Variants in SLC44A3 observed in about 807,000 individuals in gnomAD.
SLC44A3 encodes choline transporter-like protein 3.
In SLC44A3, 74 loss-of-function variants were observed where a neutral mutation model predicts 75.4. The ratio of observed to expected loss-of-function variants is 0.98; its 90% CI spans 0.81 to 1.19. The LOEUF (loss-of-function observed/expected upper bound fraction) is 1.19, where lower values mean the gene tolerates loss of function less well. SLC44A3 is among the 50% of genes most tolerant of loss of function. SLC44A3 has a pLI of 0.00. For missense variants in SLC44A3, 700 were observed against 778.6 expected (o/e 0.90, Z 1.20); for synonymous variants, 310 against 296.9 (o/e 1.04, Z -0.45).
chr1:94,853,191 G>T (rs183832493), intron 9 of SLC44A3, among the ~76,000 whole-genome samples: 1 of 152,342 alleles, frequency 6.6e-6, no homozygotes, highest in East Asian at 1.9e-4. Flanking sequence ...AGGAGAAGGG[G>T]TGGAGTGTGG....
intron 5 of SLC44A3, among the ~76,000 whole-genome samples, chr1:94,833,332 C>T (rs1472293358): frequency 6.6e-6 from 1 of 152,180 alleles, no homozygotes; most frequent in Non-Finnish European, 1.5e-5. Context: ...AGCTGCAGTG[C>T]CTTTCATGTA....
intron 12 of SLC44A3, among the ~76,000 whole-genome samples, chr1:94,882,893 A>G (rs1168667120): frequency 6.7e-6 from 1 of 149,008 alleles, no homozygotes; most frequent in Non-Finnish European, 1.5e-5. Flanking sequence ...GCATTTTTCT[A>G]GGTGATATCT....
chr1:94,827,817 A>G (rs1661572534), intron 4 of SLC44A3, among the ~76,000 whole-genome samples, 174 bp downstream of exon 4: 1 of 152,092 alleles, frequency 6.6e-6, no homozygotes, highest in Non-Finnish European at 1.5e-5. Context: ...GAGCTTGTTC[A>G]GGTTATTTTT....
At chr1:94,865,011 C>T (rs1431330893) in intron 11 of SLC44A3, 112 bp downstream of exon 11, 15 of 1,183,622 alleles carry the variant, frequency 1.3e-5, no homozygotes, top group Admixed American at 6.7e-5. Context: ...GACAGCGGGC[C>T]GTGCAGAAAG....
At position 94,837,755 on chromosome 1, in the gene SLC44A3, A is replaced by G; in HGVS notation, c.554A>G (p.Glu185Gly). Residue 185 changes from glutamate to glycine, a missense_variant, in exon 6 of 15, where the codon GAG becomes GGG. By Grantham distance (98) the Glu-to-Gly change is moderately conservative. Transcript: ENST00000271227. ...LFNRCVPQTPECYSLFASVLI... is the reference protein window; with the variant it reads ...LFNRCVPQTPGCYSLFASVLI... ...AACCGATGTGTCCCTCAAACACCTGAGTGCTACTCCCTATTTGCATCTGTT... is the reference window on the plus strand; with the variant it reads ...AACCGATGTGTCCCTCAAACACCTGGGTGCTACTCCCTATTTGCATCTGTT... 1 of 1,605,154 alleles carries G rather than the reference A, an allele frequency of 6.2e-7. No individual in the cohort carries two copies. Among genetic ancestry groups the G allele is most frequent in the South Asian group, 1.1e-5 (1 of 88,770 alleles).
chr1:94,837,915 C>T (rs1663041932), intron 6 of SLC44A3, 44 bp downstream of exon 6: 1 of 1,481,404 alleles, frequency 6.8e-7, no homozygotes, highest in African/African-American at 1.4e-5. Context: ...TTATGGAATG[C>T]CAAAGTTCCT....
At chr1:94,866,347 C>G (rs1243537216) in intron 11 of SLC44A3, among the ~76,000 whole-genome samples, 2 of 152,184 alleles carry the variant, frequency 1.3e-5, no homozygotes, top group African/African-American at 4.8e-5. Context: ...CCCAAGGTCT[C>G]TCTGACTGAG....
chr1:94,830,359 C>A (rs1661958381), intron 5 of SLC44A3, among the ~76,000 whole-genome samples: 1 of 152,072 alleles, frequency 6.6e-6, no homozygotes, highest in South Asian at 2.1e-4. Flanking sequence ...ACCACAGGCG[C>A]ATGCCACCAT....
Position 94,894,989 on chromosome 1 carries a change from G to A in SLC44A3, c.*67G>A. ...AAGAGCCATTTACAGAATAGAAGAT[G>A]AGACCACTAGAGAAAAGTTAGTGAA... On this transcript the variant is annotated 3_prime_UTR_variant, in exon 15 of 15. Coordinates refer to ENST00000271227, the MANE Select transcript of SLC44A3 (RefSeq NM_001114106.3). The A allele has an allele frequency of 8.3e-7, 1 of 1,205,588 alleles. No individual in the cohort carries two copies. Among genetic ancestry groups the A allele is most frequent in the Non-Finnish European group, 1.2e-6 (1 of 856,182 alleles). The allele number at this position is 1,205,588 out of a possible 1,614,324, so 74.7% of individuals were successfully genotyped here.
intron 13 of SLC44A3, among the ~76,000 whole-genome samples, chr1:94,891,705 T>G (rs768764224): frequency 1.3e-5 from 2 of 152,122 alleles, no homozygotes; most frequent in African/African-American, 2.4e-5. Context: ...GGCAGATCAC[T>G]TGAGGTCAGG....
intron 10 of SLC44A3, among the ~76,000 whole-genome samples, chr1:94,863,142 G>A (rs1053583839): frequency 5.3e-5 from 8 of 152,096 alleles, no homozygotes; most frequent in African/African-American, 1.7e-4. Context: ...AGCTGGCTTG[G>A]GTTGAAAGGG....
intron 2 of SLC44A3, among the ~76,000 whole-genome samples, 166 bp from the exon 3 acceptor site, chr1:94,824,327 C>A (rs1445484392): frequency 6.6e-6 from 1 of 152,202 alleles, no homozygotes; most frequent in Non-Finnish European, 1.5e-5. Context: ...GAGCAGGATG[C>A]TGATAGATGG....
intron 9 of SLC44A3, among the ~76,000 whole-genome samples, chr1:94,847,963 T>C (rs1664637728): frequency 6.6e-6 from 1 of 152,144 alleles, no homozygotes; most frequent in Non-Finnish European, 1.5e-5. Context: ...GTGCAGTGGC[T>C]CACGCCTGTA....
chr1:94,836,718 C>T (rs549499914), intron 5 of SLC44A3: 1 of 152,158 alleles, frequency 6.6e-6, no homozygotes, highest in African/African-American at 2.4e-5. Context: ...GTTGCCCAGC[C>T]TGGGCAACAT....
chr1:94,839,144 C>T (rs1663216359), intron 6 of SLC44A3: 1 of 152,128 alleles, frequency 6.6e-6, no homozygotes, highest in South Asian at 2.1e-4. Flanking sequence ...TCCTGATTTC[C>T]TATGTCGAAA....
intron 12 of SLC44A3, among the ~76,000 whole-genome samples, chr1:94,880,725 C>A (rs545024616): frequency 6.6e-6 from 1 of 151,910 alleles, no homozygotes; most frequent in African/African-American, 2.4e-5. Flanking sequence ...GTAAAAAGGG[C>A]GCTGGGGGCT....
intron 1 of SLC44A3, 22 bp from the exon 2 acceptor site, chr1:94,820,927 C>G: frequency 6.5e-7 from 1 of 1,544,818 alleles, no homozygotes; most frequent in Non-Finnish European, 8.8e-7. Context: ...TTCTTTTTCT[C>G]AACTCTCCCT....
intron 4 of SLC44A3, among the ~76,000 whole-genome samples, chr1:94,828,220 A>G (rs918501396): frequency 1.3e-5 from 2 of 152,366 alleles, no homozygotes; most frequent in African/African-American, 4.8e-5. Flanking sequence ...GGTTTAAACT[A>G]TCAAGCTTCT....
chr1:94,839,962 A>G lies in SLC44A3; in HGVS notation c.685A>G (p.Met229Val). The stretch of plus-strand genomic sequence containing the variant: ...TAATTTTTCAGCCTTGTCTTTGGCC[A>G]TGATGTTTACCTTCAGATTCATCAC... ...CILALALSLA[M>V]MFTFRFITTL... The change falls in exon 7 of 15, where the codon ATG becomes GTG. Residue 229 changes from methionine to valine, a missense_variant. By Grantham distance (21) the Met-to-Val change is conservative. Coordinates refer to ENST00000271227, the MANE Select transcript of SLC44A3 (RefSeq NM_001114106.3). 1 of 1,614,052 alleles carries G rather than the reference A, an allele frequency of 6.2e-7. No individual in the cohort carries two copies. The highest frequency in any genetic ancestry group is 8.5e-7 in the Non-Finnish European group (1 of 1,179,938).
Sources: gnomAD v4.1 joint callset for allele counts (sites outside exome capture counted in the v4.1 genomes callset) on GRCh38, gnomAD v4.1.1 for gene constraint, MANE v1.5 for transcripts, NCBI Gene and HGNC (gene_info 2026-07-23, HGNC 2026-07-21) for gene names.